Variants in CHRM3 observed in about 807,000 individuals in gnomAD.
The protein encoded by CHRM3 is cholinergic receptor muscarinic 3, also known as muscarinic acetylcholine receptor M3.
CHRM3 carries 11 observed loss-of-function variants against 41.8 expected under a neutral mutation model. That is an observed-to-expected ratio of 0.26 (90% CI 0.17 to 0.44). The LOEUF (loss-of-function observed/expected upper bound fraction) is 0.44. Among genes scored for constraint, CHRM3 ranks in the 20% least tolerant of loss-of-function variants. The pLI is 1.00. For missense variants in CHRM3, 571 were observed against 745.4 expected (o/e 0.77, Z 2.72); for synonymous variants, 297 against 301.4 (o/e 0.99, Z 0.15).
Position 239,713,673 on chromosome 1 carries a change from C to G in CHRM3, c.-147+35385C>G, listed in dbSNP as rs1464103842. 7.2e-5 allele frequency among the ~76,000 whole-genome samples: 11 copies of G among 152,222 alleles called. No individual in the cohort carries two copies. The East Asian group carries it at 1.9e-3, about 27-fold the overall frequency. ...CCATGGACAGAGAATTTTGCATTTC[C>G]CTATATCATACTGTTATGTCAGCCA... On this transcript the variant is annotated intron_variant, in intron 5 of 6. Coordinates refer to ENST00000676153, the MANE Select transcript of CHRM3 (RefSeq NM_001375978.1).
At chr1:239,653,815 G>A (rs1672461382) in intron 4 of CHRM3, among the ~76,000 whole-genome samples, 1 of 152,094 alleles carries the variant, frequency 6.6e-6, no homozygotes, top group African/African-American at 2.4e-5. Flanking sequence ...TGGCCCTGGG[G>A]GATAAACAGA....
At chr1:239,903,949 A>G (rs1175572536) in intron 6 of CHRM3, among the ~76,000 whole-genome samples, 3 of 152,218 alleles carry the variant, frequency 2.0e-5, no homozygotes, top group Non-Finnish European at 4.4e-5. Flanking sequence ...CAGCTGAAAG[A>G]AAGACAAATA....
intron 3 of CHRM3, among the ~76,000 whole-genome samples, chr1:239,586,813 T>G (rs1313729555): frequency 6.6e-6 from 1 of 152,186 alleles, no homozygotes; most frequent in East Asian, 1.9e-4. Context: ...GTTCTAGGAT[T>G]GATACTAAAA....
At chr1:239,489,922 C>A (rs1343322647) in intron 1 of CHRM3, among the ~76,000 whole-genome samples, 1 of 152,124 alleles carries the variant, frequency 6.6e-6, no homozygotes, top group Non-Finnish European at 1.5e-5. Flanking sequence ...CACCTCTTCC[C>A]ATGCAGTAGA....
At chr1:239,794,061 T>C (rs532710330) in intron 5 of CHRM3, among the ~76,000 whole-genome samples, 1 of 152,124 alleles carries the variant, frequency 6.6e-6, no homozygotes, top group East Asian at 1.9e-4. Context: ...TGCCTTCGCC[T>C]CCCAAAGGGT....
At position 239,909,408 on chromosome 1, in the gene CHRM3, A is replaced by C; in HGVS notation, c.*184A>C. 1 of 474,080 alleles carries C rather than the reference A, an allele frequency of 2.1e-6. No homozygotes were observed. Among genetic ancestry groups the C allele is most frequent in the Non-Finnish European group, 3.7e-6 (1 of 271,358 alleles). The allele number at this position is 474,080 out of a possible 1,614,324, so 29.4% of individuals were successfully genotyped here. On this transcript the variant is annotated 3_prime_UTR_variant, in exon 7 of 7. Transcript: ENST00000676153. ...CATTTTAATAGAAAAAGTCAATACC[A>C]ATTCAGCAAAAAGAAAAAAAAAACA...
chr1:239,495,095 C>T (rs1038776579), intron 2 of CHRM3, among the ~76,000 whole-genome samples: 66 of 152,140 alleles, frequency 4.3e-4, no homozygotes, highest in Admixed American at 3.2e-3. Flanking sequence ...CCTCATATCC[C>T]AGCTTTTATT....
chr1:239,679,463 A>G (rs1322006425), intron 5 of CHRM3, among the ~76,000 whole-genome samples: 1 of 152,114 alleles, frequency 6.6e-6, no homozygotes, highest in African/African-American at 2.4e-5. Flanking sequence ...TATTATTTAA[A>G]TCTGAACAGG....
chr1:239,528,915 A>G (rs187666979), intron 2 of CHRM3, among the ~76,000 whole-genome samples: 5 of 152,352 alleles, frequency 3.3e-5, no homozygotes, highest in African/African-American at 9.6e-5. Context: ...ACAACAAAAA[A>G]GAATTTAGGA....
intron 1 of CHRM3, among the ~76,000 whole-genome samples, chr1:239,478,397 T>G (rs1211059537): frequency 1.3e-5 from 2 of 152,170 alleles, no homozygotes; most frequent in Non-Finnish European, 2.9e-5. Context: ...CAGCAATGAC[T>G]TTGATCATCT....
chr1:239,835,347 T>G (rs1297049043), intron 6 of CHRM3, among the ~76,000 whole-genome samples: 1 of 152,220 alleles, frequency 6.6e-6, no homozygotes, highest in Non-Finnish European at 1.5e-5. Flanking sequence ...ACATTAAGCA[T>G]GAATCTTTTA....
intron 1 of CHRM3, among the ~76,000 whole-genome samples, chr1:239,480,443 G>A (rs899727647): frequency 7.9e-5 from 12 of 151,606 alleles, no homozygotes; most frequent in African/African-American, 2.9e-4. Context: ...ATGAAGTCCT[G>A]GAAAAATAAG....
At chr1:239,481,724 A>G (rs1384439486) in intron 1 of CHRM3, among the ~76,000 whole-genome samples, 1 of 152,188 alleles carries the variant, frequency 6.6e-6, no homozygotes, top group African/African-American at 2.4e-5. Flanking sequence ...TTGAACAGCT[A>G]ATTACTGGAT....
intron 2 of CHRM3, among the ~76,000 whole-genome samples, chr1:239,504,792 C>A (rs554353385): frequency 1.3e-5 from 2 of 152,154 alleles, no homozygotes; most frequent in South Asian, 4.1e-4. Flanking sequence ...GACTATTATT[C>A]TAAGTGAAGT....
At chr1:239,592,930 C>T (rs1031198033) in intron 3 of CHRM3, among the ~76,000 whole-genome samples, 2 of 152,040 alleles carry the variant, frequency 1.3e-5, no homozygotes, top group African/African-American at 4.8e-5. Context: ...CACTCCACCC[C>T]AGATCCGCTC....
rs548363813 is a variant in CHRM3, at chr1:239,681,150, G to A, written c.-147+2862G>A. On this transcript the variant is annotated intron_variant, in intron 5 of 6. Coordinates refer to ENST00000676153, the MANE Select transcript of CHRM3 (RefSeq NM_001375978.1). ...CATTACCTCCCCCTGGGTCCCTCCC[G>A]CAACACGTGGGAATTCTGGGAGATA... is the stretch of plus-strand genomic sequence containing the variant. Among the ~76,000 whole-genome samples, 314 of 152,178 alleles carry A rather than the reference G, an allele frequency of 2.1e-3. 1 individual carries two copies. Among genetic ancestry groups the A allele is most frequent in the African/African-American group, 7.0e-3 (289 of 41,528 alleles).
chr1:239,639,881 T>G lies in CHRM3; in HGVS notation c.-250+7595T>G, dbSNP rs1374669533. On this transcript the variant is annotated intron_variant, in intron 4 of 6. Transcript: ENST00000676153. ...ATGCTTCCAGTTTTTGCCCATTCAG[T>G]ATGATATTGGCTGTGGGTTTGTCAT... Among the ~76,000 whole-genome samples the G allele has an allele frequency of 2.7e-5, 4 of 146,262 alleles. No individual in the cohort carries two copies. In the Admixed American group the frequency reaches 2.8e-4, roughly 10 times the overall value.
At chr1:239,744,918 A>G (rs1345240030) in intron 5 of CHRM3, among the ~76,000 whole-genome samples, 1 of 152,138 alleles carries the variant, frequency 6.6e-6, no homozygotes, top group Non-Finnish European at 1.5e-5. Context: ...GAGAAGGTCA[A>G]GAAGCAGAAA....
intron 3 of CHRM3, among the ~76,000 whole-genome samples, chr1:239,571,175 G>C (rs1425355059): frequency 6.6e-6 from 1 of 152,082 alleles, no homozygotes; most frequent in African/African-American, 2.4e-5. Flanking sequence ...CAGTTAAAAA[G>C]GTGACCAGGC....
Sources: allele counts gnomAD v4.1 joint callset (sites outside exome capture counted in the v4.1 genomes callset), GRCh38; gene constraint gnomAD v4.1.1; transcripts MANE v1.5; gene names NCBI Gene and HGNC (gene_info 2026-07-23, HGNC 2026-07-21).